LYPLAL1: variants seen among roughly 807,000 people sequenced by gnomAD.
The protein encoded by LYPLAL1 is lysophospholipase-like protein 1.
A neutral mutation model predicts 19.7 loss-of-function variants in LYPLAL1; 23 were observed. The observed-to-expected ratio is 1.17, with a 90% CI of 0.84 to 1.65. LYPLAL1 has a LOEUF of 1.65. Ranked by LOEUF, LYPLAL1 falls within the 40% of genes most tolerant of loss-of-function variation. The pLI, the probability that LYPLAL1 is intolerant of heterozygous loss-of-function variation, is 0.00. For synonymous variants in LYPLAL1, 119 were observed against 96.3 expected (o/e 1.24, Z -1.38); for missense variants, 355 against 279.4 (o/e 1.27, Z -1.93).
chr1:219,216,414 G>A (rs183487768), downstream of LYPLAL1, among the ~76,000 whole-genome samples: 23 of 152,040 alleles, frequency 1.5e-4, no homozygotes, highest in African/African-American at 9.7e-5. Flanking sequence ...ATTAAAAACT[G>A]TTTTATCCTT....
the LYPLAL1 span, among the ~76,000 whole-genome samples, chr1:219,238,122 C>CT: frequency 0.41 from 42,839 of 103,804 alleles, 11,456 homozygotes; most frequent in East Asian, 0.66. Flanking sequence ...TGGATCTAAA[C>CT]TTTTTTTTTT....
chr1:219,337,754 T>G, the LYPLAL1 span, among the ~76,000 whole-genome samples: 1 of 152,044 alleles, frequency 6.6e-6, no homozygotes, highest in African/African-American at 2.4e-5. Context: ...CATGCCTATT[T>G]GTTTCTGTGT....
At chr1:219,366,781 A>G in the LYPLAL1 span, among the ~76,000 whole-genome samples, 1 of 152,228 alleles carries the variant, frequency 6.6e-6, no homozygotes, top group East Asian at 1.9e-4. Context: ...AAAGAAAAGG[A>G]TAACATATAC....
In LYPLAL1 at chr1:219,211,910, CTG is replaced by C; in HGVS notation, c.*185_*186del. 2.3e-6 allele frequency: 1 copy of C among 430,886 alleles called. No homozygotes were observed. The highest frequency in any genetic ancestry group is 3.9e-5 in the Admixed American group (1 of 25,398). The allele number at this position is 430,886 out of a possible 1,614,324, so 26.7% of individuals were successfully genotyped here. On this transcript the variant is annotated 3_prime_UTR_variant, in exon 5 of 5. Transcript: ENST00000366928. ...TTAATGAAAAACAATAGACAAACATCTGTGCATAATTTTTCAGACACAATTCT... is the reference window on the plus strand; with the variant it reads ...TTAATGAAAAACAATAGACAAACATCTGCATAATTTTTCAGACACAATTCT...
chr1:219,371,486 A>G, the LYPLAL1 span, among the ~76,000 whole-genome samples: 1 of 152,356 alleles, frequency 6.6e-6, no homozygotes, highest in Non-Finnish European at 1.5e-5. Context: ...GGAAATTATT[A>G]AACTTGCAAT....
the LYPLAL1 span, among the ~76,000 whole-genome samples, chr1:219,314,734 CAG>C: frequency 1.3e-5 from 2 of 152,204 alleles, no homozygotes; most frequent in Admixed American, 6.5e-5. Context: ...GCCTGGCTGA[CAG>C]AGAGTTTTTA....
the LYPLAL1 span, among the ~76,000 whole-genome samples, chr1:219,257,515 G>C: frequency 2.0e-5 from 3 of 151,844 alleles, no homozygotes; most frequent in African/African-American, 7.3e-5. Flanking sequence ...GGCCACCAGG[G>C]GAGACATCAC....
chr1:219,303,589 CA>C, the LYPLAL1 span, among the ~76,000 whole-genome samples: 1 of 152,194 alleles, frequency 6.6e-6, no homozygotes, highest in Admixed American at 6.5e-5. Flanking sequence ...TGAGAGAACT[CA>C]ACAGTGATGA....
the LYPLAL1 span, among the ~76,000 whole-genome samples, chr1:219,268,008 GT>G: frequency 2.0e-5 from 3 of 152,140 alleles, no homozygotes; most frequent in African/African-American, 7.2e-5. Flanking sequence ...ATAGTAACTG[GT>G]CCAAAACACC....
the LYPLAL1 span, among the ~76,000 whole-genome samples, chr1:219,256,616 T>C: frequency 6.6e-6 from 1 of 151,978 alleles, no homozygotes; most frequent in Non-Finnish European, 1.5e-5. Context: ...ACCTTTATTA[T>C]TTTCCATCCC....
the LYPLAL1 span, among the ~76,000 whole-genome samples, chr1:219,421,219 A>C: frequency 6.6e-6 from 1 of 152,214 alleles, no homozygotes; most frequent in East Asian, 1.9e-4. Context: ...TAGTTGGGAC[A>C]TCTAATCAAT....
the LYPLAL1 span, among the ~76,000 whole-genome samples, chr1:219,292,263 T>G: frequency 1.3e-5 from 2 of 152,176 alleles, no homozygotes; most frequent in African/African-American, 2.4e-5. Context: ...GACTCGAATT[T>G]GGTTCCCAGC....
At chr1:219,239,440 G>T in the LYPLAL1 span, among the ~76,000 whole-genome samples, 2 of 152,178 alleles carry the variant, frequency 1.3e-5, no homozygotes, top group African/African-American at 4.8e-5. Context: ...GGGAAGACCA[G>T]AAATATGAAG....
At chr1:219,238,789 T>C in the LYPLAL1 span, among the ~76,000 whole-genome samples, 1 of 152,204 alleles carries the variant, frequency 6.6e-6, no homozygotes, top group Non-Finnish European at 1.5e-5. Flanking sequence ...TTTAAAATTG[T>C]CATTAACCAT....
chr1:219,274,779 A>G, the LYPLAL1 span, among the ~76,000 whole-genome samples: 514 of 152,314 alleles, frequency 3.4e-3, 4 homozygotes, highest in African/African-American at 0.01. Context: ...TCAGTCTCTG[A>G]AAGCAGTCAA....
downstream of LYPLAL1, among the ~76,000 whole-genome samples, chr1:219,217,379 G>GGTTGTGTGTGT (rs1553304606): frequency 3.7e-5 from 5 of 134,046 alleles, no homozygotes; most frequent in Non-Finnish European, 8.2e-5. Flanking sequence ...TGCCAGGTTT[G>GGTTGTGTGTGT]GTGTGTGTGT....
the LYPLAL1 span, among the ~76,000 whole-genome samples, chr1:219,280,391 T>A: frequency 2.6e-5 from 4 of 152,350 alleles, no homozygotes; most frequent in Non-Finnish European, 5.9e-5. Context: ...ACACCTCATT[T>A]AGACAACTGG....
the LYPLAL1 span, among the ~76,000 whole-genome samples, chr1:219,261,375 C>T: frequency 6.6e-6 from 1 of 152,124 alleles, no homozygotes; most frequent in Non-Finnish European, 1.5e-5. Context: ...ATATTACTAG[C>T]TAGGGCTCCA....
the LYPLAL1 span, among the ~76,000 whole-genome samples, chr1:219,350,958 G>A: frequency 1.3e-5 from 2 of 151,978 alleles, no homozygotes; most frequent in African/African-American, 4.8e-5. Flanking sequence ...GTGGGTCAGG[G>A]GCCATTTTCT....
Sources: gnomAD v4.1 joint callset for allele counts (sites outside exome capture counted in the v4.1 genomes callset) on GRCh38, gnomAD v4.1.1 for gene constraint, MANE v1.5 for transcripts, NCBI Gene and HGNC (gene_info 2026-07-23, HGNC 2026-07-21) for gene names.